CNTN3: variants seen among roughly 807,000 people sequenced by gnomAD.
The protein encoded by CNTN3 is contactin-3.
Under a neutral mutation model 119.1 loss-of-function variants are expected in CNTN3, and 60 were observed. The observed-to-expected ratio is 0.50, with a 90% CI of 0.41 to 0.62. The LOEUF (loss-of-function observed/expected upper bound fraction) is 0.62. CNTN3 is among the 20% of genes least tolerant of loss of function. The probability of loss-of-function intolerance (pLI) is 0.00; values close to 1 mark genes in which losing one functional copy is unlikely to be tolerated. For missense variants in CNTN3, 1,101 were observed against 1,242.4 expected, an observed-to-expected ratio of 0.89 and a Z score of 1.71; for synonymous variants, 450 against 438.7, an observed-to-expected ratio of 1.03 and a Z score of -0.32.
At chr3:74,360,820 C>T (rs1007255713) in intron 11 of CNTN3, among the ~76,000 whole-genome samples, 7 of 152,088 alleles carry the variant, frequency 4.6e-5, no homozygotes, top group African/African-American at 1.7e-4. Flanking sequence ...TCTCTCCTGC[C>T]TCTTCTGTGA....
intron 1 of CNTN3, among the ~76,000 whole-genome samples, chr3:74,608,693 C>T (rs1204614866): frequency 6.6e-6 from 1 of 152,140 alleles, no homozygotes; most frequent in African/African-American, 2.4e-5. Context: ...AAAAAGAAGC[C>T]CCACTATAAC....
intron 1 of CNTN3, among the ~76,000 whole-genome samples, chr3:74,533,135 C>A (rs1346964984): frequency 1.3e-5 from 2 of 151,966 alleles, no homozygotes; most frequent in Admixed American, 6.6e-5. Context: ...GTGCCAGATG[C>A]TCAGCATGTC....
intron 13 of CNTN3, among the ~76,000 whole-genome samples, chr3:74,332,869 T>C (rs1301694766): frequency 1.3e-5 from 2 of 152,184 alleles, no homozygotes; most frequent in Non-Finnish European, 2.9e-5. Context: ...CTTTCCCAGA[T>C]TGGGTAAAGG....
intron 2 of CNTN3, among the ~76,000 whole-genome samples, chr3:74,517,115 A>G (rs1703463414): frequency 6.6e-6 from 1 of 151,812 alleles, no homozygotes; most frequent in African/African-American, 2.4e-5. Context: ...ACCAAACTCA[A>G]ATTAGAGAGC....
intron 19 of CNTN3, 131 bp from the exon 20 acceptor site, chr3:74,285,622 T>G (rs1205227777): frequency 1.2e-6 from 1 of 855,314 alleles, no homozygotes; most frequent in South Asian, 1.7e-5. Context: ...AGACCTACTA[T>G]GTGCTAGGTG....
chr3:74,381,793 A>T (rs1256630280), intron 5 of CNTN3, among the ~76,000 whole-genome samples: 1 of 151,870 alleles, frequency 6.6e-6, no homozygotes, highest in African/African-American at 2.4e-5. Context: ...TAATTTAGCT[A>T]AAAAAAAGCC....
chr3:74,575,302 A>G (rs1704396329), intron 1 of CNTN3, among the ~76,000 whole-genome samples: 1 of 152,020 alleles, frequency 6.6e-6, no homozygotes, highest in Non-Finnish European at 1.5e-5. Flanking sequence ...CCCAGGCTGG[A>G]GTGCACTGGC....
chr3:74,264,615 CT>C (rs1701633918), intron 22 of CNTN3, 114 bp from the exon 23 acceptor site: 4 of 596,562 alleles, frequency 6.7e-6, no homozygotes, highest in Non-Finnish European at 1.1e-5. Flanking sequence ...AATCCTAACC[CT>C]CAATGTCAGA....
chr3:74,302,487 G>A (rs1437184390), intron 14 of CNTN3, among the ~76,000 whole-genome samples: 1 of 152,164 alleles, frequency 6.6e-6, no homozygotes, highest in African/African-American at 2.4e-5. Context: ...ATTACAGTGA[G>A]AGCTATTTGA....
chr3:74,483,951 T>C (rs1012383529), intron 4 of CNTN3, among the ~76,000 whole-genome samples: 1 of 152,140 alleles, frequency 6.6e-6, no homozygotes, highest in African/African-American at 2.4e-5. Flanking sequence ...TCGTATTCTT[T>C]TTTTCTCTTA....
rs949216049 is a variant in CNTN3, at chr3:74,614,494, G to C, written c.-184C>G. The stretch of plus-strand genomic sequence containing the variant: ...CCGCCGCCGCAGTTAGTCCGGGCCC[G>C]GGGGGCCGCCGTGCGCGCCCGCGTA... On this transcript the variant is annotated 5_prime_UTR_variant, in exon 1 of 23. Transcript: ENST00000263665. Among the ~76,000 whole-genome samples, 7 of 145,580 alleles carry C rather than the reference G, an allele frequency of 4.8e-5. No homozygotes were observed. The highest frequency in any genetic ancestry group is 1.7e-4 in the African/African-American group (7 of 40,400).
In CNTN3 at chr3:74,371,458, G is replaced by A; in HGVS notation, c.455-59C>T. 4.0e-6 allele frequency: 5 copies of A among 1,250,768 alleles called. No homozygotes were observed. The South Asian group carries it at 6.2e-5, about 15-fold the overall frequency. 77.5% of individuals were successfully genotyped at this position (1,250,768 alleles called of 1,614,324 possible). ...ATCATTAAGGACAGTTTTCCATTGT[G>A]TCCTTAATGTATCTATACAAACATC... On this transcript the variant is annotated intron_variant, in intron 5 of 22. Transcript: ENST00000263665.
chr3:74,266,427 G>A (rs1489168362), intron 22 of CNTN3, 54 bp downstream of exon 22: 1 of 1,500,374 alleles, frequency 6.7e-7, no homozygotes, highest in East Asian at 2.3e-5. Flanking sequence ...GACTCACTAT[G>A]GCGGATAGTA....
rs972214139 is a variant in CNTN3, at chr3:74,419,783, T to C, written c.454+5062A>G. ...ATCTCTTTATTAACATGCATGTATG[T>C]AATAACTTGATTAACCTATGAATTC... On this transcript the variant is annotated intron_variant, in intron 5 of 22. Coordinates refer to ENST00000263665, the MANE Select transcript of CNTN3 (RefSeq NM_020872.3). Among the ~76,000 whole-genome samples, 5 of 152,210 alleles carry C rather than the reference T, an allele frequency of 3.3e-5. No homozygotes were observed. The South Asian group carries it at 1.0e-3, about 31-fold the overall frequency.
chr3:74,449,035 T>G (rs1702098790), intron 4 of CNTN3, among the ~76,000 whole-genome samples: 1 of 152,116 alleles, frequency 6.6e-6, no homozygotes, highest in Admixed American at 6.6e-5. Context: ...TCAAATCCTT[T>G]TAAATAGTCT....
At chr3:74,267,927 T>C (rs146198132) in intron 20 of CNTN3, among the ~76,000 whole-genome samples, 412 of 152,268 alleles carry the variant, frequency 2.7e-3, no homozygotes, top group African/African-American at 9.4e-3. Context: ...GCCAGCCTTG[T>C]ATGATAAGAT....
intron 1 of CNTN3, among the ~76,000 whole-genome samples, chr3:74,528,692 T>C (rs947247413): frequency 2.9e-4 from 44 of 151,914 alleles, no homozygotes; most frequent in African/African-American, 1.0e-3. Context: ...ATGGAATGCT[T>C]AAGTAATCAG....
At chr3:74,448,461 T>C (rs1223073508) in intron 4 of CNTN3, among the ~76,000 whole-genome samples, 1 of 152,206 alleles carries the variant, frequency 6.6e-6, no homozygotes, top group Non-Finnish European at 1.5e-5. Context: ...TTTTAGTTCA[T>C]GTTATTACAA....
chr3:74,359,308 T>C (rs1704024729), intron 11 of CNTN3, among the ~76,000 whole-genome samples: 1 of 152,204 alleles, frequency 6.6e-6, no homozygotes, highest in Admixed American at 6.5e-5. Flanking sequence ...TATAGATCAG[T>C]ATATGTATAT....
Sources: allele counts gnomAD v4.1 joint callset (sites outside exome capture counted in the v4.1 genomes callset), GRCh38; gene constraint gnomAD v4.1.1; transcripts MANE v1.5; gene names NCBI Gene and HGNC (gene_info 2026-07-23, HGNC 2026-07-21).